The following LMBR1 variants were observed in gnomAD, a reference collection of about 807,000 sequenced individuals.
LMBR1 encodes the protein limb region 1 protein homolog.
In LMBR1, 52 loss-of-function variants were observed where a neutral mutation model predicts 73.9. The observed-to-expected ratio is 0.70, with a 90% CI of 0.56 to 0.89. The LOEUF (loss-of-function observed/expected upper bound fraction) is 0.89. Ranked by LOEUF, LMBR1 falls within the 40% of genes least tolerant of loss-of-function variation. The pLI is 0.00. For missense variants in LMBR1, 539 were observed against 579.8 expected (o/e 0.93, Z 0.72); for synonymous variants, 215 against 209.4 (o/e 1.03, Z -0.23).
At chr7:156,886,675 T>C (rs969550705) in intron 1 of LMBR1, among the ~76,000 whole-genome samples, 1 of 152,198 alleles carries the variant, frequency 6.6e-6, no homozygotes, top group Admixed American at 6.5e-5. Context: ...TTAATATTGC[T>C]TATCTGGAGG....
chr7:156,780,339 C>T (rs1826903433), intron 5 of LMBR1, among the ~76,000 whole-genome samples: 1 of 152,150 alleles, frequency 6.6e-6, no homozygotes, highest in Non-Finnish European at 1.5e-5. Context: ...ATTGAATTAA[C>T]ATCTCCATTG....
At chr7:156,754,338 C>T (rs1821465090) in intron 9 of LMBR1, among the ~76,000 whole-genome samples, 1 of 152,116 alleles carries the variant, frequency 6.6e-6, no homozygotes, top group African/African-American at 2.4e-5. Context: ...TCATAACTAC[C>T]ACAATAACTC....
At chr7:156,796,614 G>C (rs940165278) in intron 4 of LMBR1, 122 bp from the exon 5 acceptor site, 3 of 517,712 alleles carry the variant, frequency 5.8e-6, no homozygotes, top group Non-Finnish European at 9.8e-6. Flanking sequence ...CCTAAACTTA[G>C]AAATCATAAA....
intron 1 of LMBR1, among the ~76,000 whole-genome samples, chr7:156,887,499 T>C (rs1403280527): frequency 6.7e-6 from 1 of 149,882 alleles, no homozygotes; most frequent in Non-Finnish European, 1.5e-5. Context: ...AAACACTATA[T>C]TGTACAAAAA....
At chr7:156,866,011 A>C (rs1318747266) in intron 1 of LMBR1, among the ~76,000 whole-genome samples, 14 of 152,020 alleles carry the variant, frequency 9.2e-5, no homozygotes, top group Admixed American at 9.2e-4. Flanking sequence ...GTAAATCTAC[A>C]TGAACTTACA....
intron 1 of LMBR1, among the ~76,000 whole-genome samples, chr7:156,848,930 CAA>C (rs4019953): frequency 1.6e-4 from 18 of 111,616 alleles, no homozygotes; most frequent in Non-Finnish European, 1.9e-4. Context: ...GACTCTGTCT[CAA>C]AAAAAAAAAA....
intron 9 of LMBR1, among the ~76,000 whole-genome samples, chr7:156,743,882 A>C (rs1419074892): frequency 6.6e-6 from 1 of 152,148 alleles, no homozygotes; most frequent in African/African-American, 2.4e-5. Flanking sequence ...ACTGCTGCCC[A>C]CCCATGCCCC....
Position 156,702,573 on chromosome 7 carries a change from ACT to A in LMBR1, c.1226-14384_1226-14383del, listed in dbSNP as rs1473851557. ...CTCCCATTGTGTAGGCTGTCTGTTC[ACT>A]CTCATGATAGTTTCTTTTGCTGACA... On this transcript the variant is annotated intron_variant, in intron 15 of 16. Coordinates refer to ENST00000353442, the MANE Select transcript of LMBR1 (RefSeq NM_022458.4). Among the ~76,000 whole-genome samples the A allele has an allele frequency of 2.0e-5, 3 of 151,846 alleles. No individual in the cohort carries two copies. The East Asian group carries it at 5.8e-4, about 29-fold the overall frequency.
At chr7:156,853,314 A>G (rs1796505204) in intron 1 of LMBR1, among the ~76,000 whole-genome samples, 1 of 152,178 alleles carries the variant, frequency 6.6e-6, no homozygotes. Context: ...TATTGTAATA[A>G]GCACATTCCT....
At chr7:156,765,592 T>C (rs188451017) in intron 5 of LMBR1, among the ~76,000 whole-genome samples, 1 of 152,212 alleles carries the variant, frequency 6.6e-6, no homozygotes. Flanking sequence ...TCTCTCTTCC[T>C]TTCTTCCTCC....
chr7:156,752,841 T>C (rs187827355), intron 9 of LMBR1, among the ~76,000 whole-genome samples: 1 of 151,932 alleles, frequency 6.6e-6, no homozygotes, highest in East Asian at 1.9e-4. Flanking sequence ...GCTAGCAGAA[T>C]GAAGGCTCGG....
At chr7:156,808,012 T>C (rs1032012206) in intron 4 of LMBR1, among the ~76,000 whole-genome samples, 4 of 152,136 alleles carry the variant, frequency 2.6e-5, no homozygotes, top group Non-Finnish European at 4.4e-5. Flanking sequence ...CTAAAATGTA[T>C]TGAGACTTAT....
At chr7:156,753,603 A>T (rs895401428) in intron 9 of LMBR1, among the ~76,000 whole-genome samples, 1 of 152,140 alleles carries the variant, frequency 6.6e-6, no homozygotes, top group African/African-American at 2.4e-5. Context: ...TCAGGTCAGA[A>T]ATGGGATGTA....
At chr7:156,801,487 C>T (rs1245737905) in intron 4 of LMBR1, among the ~76,000 whole-genome samples, 1 of 152,170 alleles carries the variant, frequency 6.6e-6, no homozygotes, top group African/African-American at 2.4e-5. Context: ...ACACTGGAAC[C>T]AACCCTGCAG....
intron 5 of LMBR1, among the ~76,000 whole-genome samples, chr7:156,785,724 C>T (rs558702102): frequency 6.6e-6 from 1 of 152,178 alleles, no homozygotes; most frequent in African/African-American, 2.4e-5. Flanking sequence ...TGAATCTTCC[C>T]AGAGGTGGAA....
At chr7:156,808,889 A>G (rs917292165) in intron 4 of LMBR1, among the ~76,000 whole-genome samples, 1 of 152,202 alleles carries the variant, frequency 6.6e-6, no homozygotes, top group Non-Finnish European at 1.5e-5. Flanking sequence ...AAAAAAAAAG[A>G]TAACACTTCA....
intron 1 of LMBR1, among the ~76,000 whole-genome samples, chr7:156,851,324 A>G (rs1252863313): frequency 6.6e-6 from 1 of 152,030 alleles, no homozygotes; most frequent in Non-Finnish European, 1.5e-5. Flanking sequence ...CTAAACTGTC[A>G]TAATAAATTG....
chr7:156,676,900 A>T, downstream of LMBR1: 5 of 454,650 alleles, frequency 1.1e-5, no homozygotes, highest in South Asian at 8.7e-5. Context: ...AATAGCAAAA[A>T]ATGAGAGCTT....
intron 5 of LMBR1, among the ~76,000 whole-genome samples, chr7:156,767,574 C>T (rs925440571): frequency 1.3e-5 from 2 of 151,834 alleles, no homozygotes; most frequent in Non-Finnish European, 2.9e-5. Flanking sequence ...CTACTAAAAA[C>T]TTAAGGTTAC....
Sources: allele counts gnomAD v4.1 joint callset (sites outside exome capture counted in the v4.1 genomes callset), GRCh38; gene constraint gnomAD v4.1.1; transcripts MANE v1.5; gene names NCBI Gene and HGNC (gene_info 2026-07-23, HGNC 2026-07-21).